COG4: variants seen among roughly 807,000 people sequenced by gnomAD.
The protein encoded by COG4 is component of oligomeric golgi complex 4.
Under a neutral mutation model 95.1 loss-of-function variants are expected in COG4, and 65 were observed. That is an observed-to-expected ratio of 0.68 (90% CI 0.56 to 0.84). COG4 has a LOEUF of 0.84. COG4 is among the 40% of genes least tolerant of loss of function. The pLI is 0.00. For synonymous variants in COG4, 421 were observed against 374.8 expected, an observed-to-expected ratio of 1.12 and a Z score of -1.42; for missense variants, 1,045 against 989.1, an observed-to-expected ratio of 1.06 and a Z score of -0.76.
chr16:70,513,682 A>T (rs1414262649), intron 4 of COG4, among the ~76,000 whole-genome samples: 1 of 152,244 alleles, frequency 6.6e-6, no homozygotes, highest in South Asian at 2.1e-4. Flanking sequence ...GAAGGGACAG[A>T]CAGGGTGGTA....
chr16:70,496,056 A>G (rs1257068765), intron 12 of COG4, among the ~76,000 whole-genome samples: 2 of 152,204 alleles, frequency 1.3e-5, no homozygotes, highest in Non-Finnish European at 2.9e-5. Context: ...CCCAGCCTCT[A>G]TCGTGGCTCA....
At chr16:70,511,720 G>A (rs763527040) in intron 5 of COG4, among the ~76,000 whole-genome samples, 6 of 151,968 alleles carry the variant, frequency 3.9e-5, no homozygotes, top group Admixed American at 6.6e-5. Flanking sequence ...ATCACCTGAC[G>A]TTGGGAGTTC....
intron 3 of COG4, among the ~76,000 whole-genome samples, chr16:70,517,231 G>A (rs1204521936): frequency 1.3e-5 from 2 of 151,938 alleles, no homozygotes; most frequent in Non-Finnish European, 2.9e-5. Flanking sequence ...GTTAGTAGAG[G>A]GCAGTAAAGA....
At chr16:70,494,305 T>G (rs1000604663) in intron 12 of COG4, among the ~76,000 whole-genome samples, 2 of 152,214 alleles carry the variant, frequency 1.3e-5, no homozygotes, top group Admixed American at 1.3e-4. Flanking sequence ...TCCCCTGTAC[T>G]GACAGCCCTA....
At chr16:70,505,320 C>T (rs1422874538) in intron 8 of COG4, among the ~76,000 whole-genome samples, 1 of 150,706 alleles carries the variant, frequency 6.6e-6, no homozygotes, top group Admixed American at 6.6e-5. Context: ...GCCTCAGCCT[C>T]CCAAGTAGCT....
In COG4 at chr16:70,497,292, C is replaced by T; in HGVS notation, c.1410G>A (p.Leu470=). Residue 470 remains leucine, a synonymous_variant, in exon 11 of 19, where the codon CTG becomes CTA. Coordinates refer to ENST00000323786, the MANE Select transcript of COG4 (RefSeq NM_015386.3). ...AGAGACAGTCAATGCTGGAGCTGGA[C>T]AGAGCCCGCCCAATGCACTTCTTAA... The part of the protein sequence containing the change: ...YIVKKCIGRA[L]SSSSIDCLCA... 1 of 1,614,132 alleles carries T rather than the reference C, an allele frequency of 6.2e-7. No homozygotes were observed. The highest frequency in any genetic ancestry group is 8.5e-7 in the Non-Finnish European group (1 of 1,180,044).
intron 8 of COG4, chr16:70,501,590 G>A (rs146512116): frequency 0.015 from 2,341 of 161,248 alleles, 29 homozygotes; most frequent in Middle Eastern, 0.022. Context: ...TCCTGACCTC[G>A]TGATCCGCCC....
rs745947160 is a variant in COG4, at chr16:70,512,424, T to C, written c.553A>G (p.Ile185Val). Reference sequence around the variant, plus strand: ...TGCAGCAATTTCAGGTTGGCATCAATCATGCTCCCTGCTCAACAGGGAGAA... The same window carrying C: ...TGCAGCAATTTCAGGTTGGCATCAACCATGCTCCCTGCTCAACAGGGAGAA... ...LSRQGKEGSM[I>V]DANLKLLQEA... is the part of the protein sequence containing the mutation. Residue 185 changes from isoleucine to valine, a missense_variant, in exon 5 of 19, where the codon ATT becomes GTT. Ile to Val is a conservative substitution (Grantham distance 29). Coordinates refer to ENST00000323786, the MANE Select transcript of COG4 (RefSeq NM_015386.3). 6.2e-7 allele frequency: 1 copy of C among 1,613,838 alleles called. No individual in the cohort carries two copies. Among genetic ancestry groups the C allele is most frequent in the Non-Finnish European group, 8.5e-7 (1 of 1,179,850 alleles).
At position 70,487,022 on chromosome 16, in the gene COG4, G is replaced by A. The variant is rs2049151642; in HGVS notation, c.1711-3053C>T. Reference sequence around the variant, plus strand: ...AAAAAAAAAAAAAGTCAGGCATGGTGGCTCACACCTGTAATCCCAGCACTA... The same window carrying A: ...AAAAAAAAAAAAAGTCAGGCATGGTAGCTCACACCTGTAATCCCAGCACTA... On this transcript the variant is annotated intron_variant, in intron 13 of 18. Coordinates refer to ENST00000323786, the MANE Select transcript of COG4 (RefSeq NM_015386.3). Among the ~76,000 whole-genome samples the A allele has an allele frequency of 4.6e-5, 7 of 151,154 alleles. No homozygotes were observed. In the South Asian group the frequency reaches 1.5e-3, roughly 32 times the overall value.
intron 1 of COG4, among the ~76,000 whole-genome samples, chr16:70,520,266 T>C (rs1458416553): frequency 6.6e-6 from 1 of 151,516 alleles, no homozygotes; most frequent in East Asian, 1.9e-4. Context: ...AAACCCTGTC[T>C]CTACTAAAAA....
At chr16:70,507,519 C>T (rs184342631) in intron 8 of COG4, among the ~76,000 whole-genome samples, 17 of 152,138 alleles carry the variant, frequency 1.1e-4, no homozygotes, top group Non-Finnish European at 1.9e-4. Context: ...GTACACCCTA[C>T]GATGTTGACA....
At chr16:70,484,309 C>T (rs570906660) in intron 13 of COG4, among the ~76,000 whole-genome samples, 2 of 152,294 alleles carry the variant, frequency 1.3e-5, no homozygotes, top group East Asian at 3.9e-4. Context: ...CTTCAATTTT[C>T]CTGTCTATAA....
At chr16:70,495,397 C>CAAAAAAAA (rs11382671) in intron 12 of COG4, among the ~76,000 whole-genome samples, 2 of 111,328 alleles carry the variant, frequency 1.8e-5, no homozygotes, top group African/African-American at 7.1e-5. Context: ...GACTCCATCT[C>CAAAAAAAA]AAAAAAAAAA....
intron 8 of COG4, among the ~76,000 whole-genome samples, chr16:70,505,902 T>TG (rs547214064): frequency 2.0e-5 from 3 of 152,058 alleles, no homozygotes; most frequent in Non-Finnish European, 2.9e-5. Flanking sequence ...TCCAGTGCTT[T>TG]GGGAGGCTGA....
At chr16:70,504,609 TAAAA>T (rs66751123) in intron 8 of COG4, among the ~76,000 whole-genome samples, 18 of 121,976 alleles carry the variant, frequency 1.5e-4, no homozygotes, top group South Asian at 9.3e-4. Flanking sequence ...AGATTCTATT[TAAAA>T]AAAAAAAAAA....
At chr16:70,502,750 C>T (rs1055779644) in intron 8 of COG4, among the ~76,000 whole-genome samples, 2 of 152,154 alleles carry the variant, frequency 1.3e-5, no homozygotes, top group Non-Finnish European at 2.9e-5. Flanking sequence ...TTGAAAAATA[C>T]AAAGTTGGAG....
At chr16:70,488,964 G>A (rs1179303000) in intron 13 of COG4, among the ~76,000 whole-genome samples, 1 of 152,172 alleles carries the variant, frequency 6.6e-6, no homozygotes, top group Admixed American at 6.6e-5. Flanking sequence ...GTGGCACAGA[G>A]GTCATTATCC....
chr16:70,516,636 G>C (rs1294725413), intron 3 of COG4, among the ~76,000 whole-genome samples: 1 of 152,006 alleles, frequency 6.6e-6, no homozygotes, highest in Non-Finnish European at 1.5e-5. Flanking sequence ...AGAGCTACTG[G>C]TCTGAAGTTT....
At chr16:70,496,562 C>A in intron 11 of COG4, 131 bp from the exon 12 acceptor site, 1 of 868,972 alleles carries the variant, frequency 1.2e-6, no homozygotes, top group Non-Finnish European at 1.9e-6. Flanking sequence ...TCCTTAAGAC[C>A]ACTGTAGGAG....
Sources: allele counts gnomAD v4.1 joint callset (sites outside exome capture counted in the v4.1 genomes callset), GRCh38; gene constraint gnomAD v4.1.1; transcripts MANE v1.5; gene names NCBI Gene and HGNC (gene_info 2026-07-23, HGNC 2026-07-21).